The following TSPAN9 variants were observed in gnomAD, a reference collection of about 807,000 sequenced individuals.
TSPAN9 encodes tetraspanin-9.
In TSPAN9, 16 loss-of-function variants were observed where a neutral mutation model predicts 31.0. That is an observed-to-expected ratio of 0.52 (90% CI 0.35 to 0.78). The LOEUF (loss-of-function observed/expected upper bound fraction) is 0.78. Among genes scored for constraint, TSPAN9 ranks in the 30% least tolerant of loss-of-function variants. The pLI is 0.01. For missense variants in TSPAN9, 272 were observed against 312.5 expected, an observed-to-expected ratio of 0.87 and a Z score of 0.98; for synonymous variants, 145 against 121.6, an observed-to-expected ratio of 1.19 and a Z score of -1.27.
chr12:3,081,844 G>GTATATATATA lies in TSPAN9; in HGVS notation c.-84-1800_-84-1799insATATATATAT, dbSNP rs57307487. Among the ~76,000 whole-genome samples the GTATATATATA allele has an allele frequency of 7.5e-4, 88 of 116,768 alleles. 3 individuals carry two copies. Among genetic ancestry groups the GTATATATATA allele is most frequent in the African/African-American group, 2.6e-3 (71 of 27,444 alleles). The allele number at this position is 116,768 out of a possible 152,430, so 76.6% of individuals were successfully genotyped here. On this transcript the variant is annotated intron_variant, in intron 1 of 8. Coordinates refer to ENST00000011898, the MANE Select transcript of TSPAN9 (RefSeq NM_006675.5). The stretch of plus-strand genomic sequence containing the variant: ...TGTGTGTGTGTGTGTGTCTGTGTGT[G>GTATATATATA]TATATATATGCCAGGTGTGGTGGTA...
intron 3 of TSPAN9, among the ~76,000 whole-genome samples, chr12:3,229,787 G>T (rs2098389731): frequency 6.6e-6 from 1 of 152,130 alleles, no homozygotes; most frequent in African/African-American, 2.4e-5. Context: ...GGGGCTGAAT[G>T]CAAATGAAGC....
intron 8 of TSPAN9, chr12:3,282,085 T>A (rs575631033): frequency 1.5e-6 from 1 of 652,172 alleles, no homozygotes; most frequent in African/African-American, 1.8e-5. Context: ...CCCCCGTGGG[T>A]TCCCCCAGTT....
intron 3 of TSPAN9, among the ~76,000 whole-genome samples, chr12:3,232,287 A>G (rs553902692): frequency 1.3e-5 from 2 of 150,660 alleles, no homozygotes; most frequent in South Asian, 2.1e-4. Context: ...TTTTTTTCCT[A>G]CAGTGAGATA....
Position 3,133,023 on chromosome 12 carries a change from A to G in TSPAN9, c.-18+49304A>G, listed in dbSNP as rs866746366. 2.6e-5 allele frequency among the ~76,000 whole-genome samples: 4 copies of G among 152,214 alleles called. No homozygotes were observed. The South Asian group carries it at 8.3e-4, about 32-fold the overall frequency. On this transcript the variant is annotated intron_variant, in intron 2 of 8. Transcript: ENST00000011898. ...ACCAGCAAGCTTGCTCCCTTGGAGT[A>G]TGACTTGAAGGCACCATTTTATGTC...
intron 2 of TSPAN9, among the ~76,000 whole-genome samples, chr12:3,128,047 T>G (rs1290211406): frequency 6.6e-6 from 1 of 152,210 alleles, no homozygotes; most frequent in Non-Finnish European, 1.5e-5. Context: ...GCGGTAGGAA[T>G]TTTTCAGCTC....
intron 3 of TSPAN9, among the ~76,000 whole-genome samples, chr12:3,251,784 C>T (rs1404933730): frequency 6.6e-6 from 1 of 152,206 alleles, no homozygotes; most frequent in Non-Finnish European, 1.5e-5. Context: ...CCTGTCGGCA[C>T]CGGCTTGAGC....
rs138080216 is a variant in TSPAN9 at position 3,261,466 on chromosome 12, C to T, written c.64-16955C>T. Among the ~76,000 whole-genome samples, 469 of 152,300 alleles carry T rather than the reference C, an allele frequency of 3.1e-3. 3 individuals carry two copies. Among genetic ancestry groups the T allele is most frequent in the African/African-American group, 0.011 (458 of 41,560 alleles). On this transcript the variant is annotated intron_variant, in intron 3 of 8. Coordinates refer to ENST00000011898, the MANE Select transcript of TSPAN9 (RefSeq NM_006675.5). ...ACCTAGGCGCTGGCTCGAGCCTACG[C>T]TCTCAACCATGGGCCCCAGGTCCAA...
intron 2 of TSPAN9, among the ~76,000 whole-genome samples, chr12:3,186,500 C>T (rs958598122): frequency 6.6e-6 from 1 of 151,926 alleles, no homozygotes; most frequent in South Asian, 2.1e-4. Context: ...AGAAACAGCA[C>T]AGAGGACAAT....
chr12:3,226,769 TATATATATATATATATATATATA>T (rs1565622545), intron 3 of TSPAN9, among the ~76,000 whole-genome samples: 163 of 3,678 alleles, frequency 0.044, 35 homozygotes, highest in African/African-American at 0.094. Context: ...TATATATATA[TATATATATATATATATATATATA>T]TATTTTTTTT....
chr12:3,181,119 C>T (rs2098358378), intron 2 of TSPAN9, among the ~76,000 whole-genome samples: 1 of 152,104 alleles, frequency 6.6e-6, no homozygotes, highest in African/African-American at 2.4e-5. Flanking sequence ...ATGGCACCAT[C>T]TTATGTGCGA....
chr12:3,162,895 A>G (rs897716323), intron 2 of TSPAN9, among the ~76,000 whole-genome samples: 2 of 152,110 alleles, frequency 1.3e-5, no homozygotes, highest in Non-Finnish European at 2.9e-5. Flanking sequence ...CAGGCAGCCT[A>G]TTGGAGAGAG....
chr12:3,157,445 CAT>C (rs925836167), intron 2 of TSPAN9, among the ~76,000 whole-genome samples: 38 of 152,310 alleles, frequency 2.5e-4, no homozygotes, highest in African/African-American at 6.7e-4. Flanking sequence ...AAGCTAGACA[CAT>C]GTGGGTTCAA....
At chr12:3,203,424 C>G (rs1000634995) in intron 3 of TSPAN9, among the ~76,000 whole-genome samples, 3 of 152,172 alleles carry the variant, frequency 2.0e-5, no homozygotes, top group African/African-American at 7.2e-5. Context: ...AAAGGCTCTC[C>G]GAGCGCCATA....
chr12:3,240,696 C>T (rs1265918870), intron 3 of TSPAN9, among the ~76,000 whole-genome samples: 3 of 152,192 alleles, frequency 2.0e-5, no homozygotes, highest in Non-Finnish European at 4.4e-5. Flanking sequence ...GATCCTTACA[C>T]TACACCAGCC....
chr12:3,268,222 C>A (rs1862576647), intron 3 of TSPAN9, among the ~76,000 whole-genome samples: 2 of 138,196 alleles, frequency 1.4e-5, no homozygotes, highest in African/African-American at 5.5e-5. Context: ...CTGCAGCCTG[C>A]CCTCTCTGTG....
At position 3,194,122 on chromosome 12, in the gene TSPAN9, G is replaced by A. The variant is rs149489161; in HGVS notation, c.-17-7055G>A. Among the ~76,000 whole-genome samples the A allele has an allele frequency of 1.3e-3, 197 of 152,272 alleles. 1 individual carries two copies. Among genetic ancestry groups the A allele is most frequent in the South Asian group, 0.012 (57 of 4,822 alleles). ...GCACGCTGGTCTGCCTTTCCCCTCC[G>A]TCCTCCAGCACTTCCTGAGTACCTG... On this transcript the variant is annotated intron_variant, in intron 2 of 8. Coordinates refer to ENST00000011898, the MANE Select transcript of TSPAN9 (RefSeq NM_006675.5).
At chr12:3,226,288 G>A (rs2098387102) in intron 3 of TSPAN9, among the ~76,000 whole-genome samples, 1 of 152,080 alleles carries the variant, frequency 6.6e-6, no homozygotes, top group Non-Finnish European at 1.5e-5. Context: ...TGCCATTCTT[G>A]GTCTTTGTGC....
At chr12:3,226,742 GTGTA>G (rs2098387699) in intron 3 of TSPAN9, among the ~76,000 whole-genome samples, 1 of 3,298 alleles carries the variant, frequency 3.0e-4, no homozygotes, top group African/African-American at 7.5e-4. Context: ...GTGTGTGTGT[GTGTA>G]TATATATATA....
chr12:3,192,843 A>G lies in TSPAN9; in HGVS notation c.-17-8334A>G, dbSNP rs1187895243. On this transcript the variant is annotated intron_variant, in intron 2 of 8. Transcript: ENST00000011898. The surrounding 1 kb of genome is among the most constrained non-coding windows in gnomAD (Gnocchi z 4.6). ...GCATTTCCCTTAGAATTTCAGCCAC[A>G]CAACATTAGCTATTGATGATGTTTC... is the stretch of plus-strand genomic sequence containing the variant. Among the ~76,000 whole-genome samples the G allele has an allele frequency of 1.3e-5, 2 of 152,206 alleles. No homozygotes were observed. Among genetic ancestry groups the G allele is most frequent in the Non-Finnish European group, 1.5e-5 (1 of 68,028 alleles).
Sources: allele counts gnomAD v4.1 joint callset (sites outside exome capture counted in the v4.1 genomes callset), GRCh38; gene constraint gnomAD v4.1.1; non-coding constraint Gnocchi (gnomAD v3.1); transcripts MANE v1.5; gene names NCBI Gene and HGNC (gene_info 2026-07-23, HGNC 2026-07-21).